A1CF: variants seen among roughly 807,000 people sequenced by gnomAD.
The protein encoded by A1CF is APOBEC1 complementation factor.
A1CF carries 48 observed loss-of-function variants against 68.9 expected under a neutral mutation model. That is an observed-to-expected ratio of 0.70 (90% confidence interval 0.55 to 0.89). A1CF has a LOEUF of 0.89. Among genes scored for constraint, A1CF ranks in the 40% least tolerant of loss-of-function variants. The pLI, the probability that A1CF is intolerant of heterozygous loss-of-function variation, is 0.00. For missense variants in A1CF, 653 were observed against 718.9 expected (o/e 0.91, Z 1.05); for synonymous variants, 272 against 260.4 (o/e 1.04, Z -0.43).
At chr10:50,811,692 G>A (rs939124568) in intron 10 of A1CF, among the ~76,000 whole-genome samples, 1 of 152,126 alleles carries the variant, frequency 6.6e-6, no homozygotes, top group African/African-American at 2.4e-5. Context: ...TTCCTAGATG[G>A]GTGTTGACAG....
intron 1 of A1CF, among the ~76,000 whole-genome samples, chr10:50,866,087 C>G (rs72787061): frequency 1.3e-5 from 2 of 152,064 alleles, no homozygotes; most frequent in Non-Finnish European, 2.9e-5. Context: ...AATTGAAAGT[C>G]CTAATACTTA....
At chr10:50,843,414 G>A (rs1402891654) in intron 4 of A1CF, among the ~76,000 whole-genome samples, 1 of 151,998 alleles carries the variant, frequency 6.6e-6, no homozygotes, top group African/African-American at 2.4e-5. Context: ...AAATTTTTCA[G>A]GAATGTGCTT....
chr10:50,857,297 T>G (rs1490519097), intron 3 of A1CF, among the ~76,000 whole-genome samples: 1 of 152,158 alleles, frequency 6.6e-6, no homozygotes, highest in South Asian at 2.1e-4. Flanking sequence ...CAAACATTTA[T>G]TTGTGTTGGG....
chr10:50,828,953 A>C (rs936034765), intron 6 of A1CF, among the ~76,000 whole-genome samples: 3 of 152,186 alleles, frequency 2.0e-5, no homozygotes, highest in Non-Finnish European at 4.4e-5. Context: ...ACAGATGACA[A>C]GCAATGGAAG....
intron 9 of A1CF, 129 bp downstream of exon 9, chr10:50,815,877 G>A: frequency 9.1e-7 from 1 of 1,104,404 alleles, no homozygotes; most frequent in East Asian, 2.5e-5. Context: ...TGATATAATA[G>A]TTGATTTTTA....
intron 5 of A1CF, among the ~76,000 whole-genome samples, chr10:50,839,927 A>T (rs141198193): frequency 7.1e-4 from 108 of 152,234 alleles, no homozygotes; most frequent in Admixed American, 1.1e-3. Flanking sequence ...TTTTTAGTAG[A>T]GATGAGGTTT....
intron 5 of A1CF, among the ~76,000 whole-genome samples, chr10:50,840,389 A>AGATGAGG (rs1329312883): frequency 6.6e-6 from 1 of 152,136 alleles, no homozygotes; most frequent in Non-Finnish European, 1.5e-5. Flanking sequence ...CCCATTTTAT[A>AGATGAGG]GATGAGGAAA....
intron 7 of A1CF, chr10:50,822,982 A>T (rs1838749785): frequency 5.9e-5 from 9 of 152,098 alleles, no homozygotes; most frequent in Admixed American, 5.9e-4. Context: ...CACAGGAGCT[A>T]CTCTATAAAT....
chr10:50,820,721 T>C, intron 7 of A1CF, 72 bp from the exon 8 acceptor site: 2 of 1,274,958 alleles, frequency 1.6e-6, no homozygotes, highest in East Asian at 4.8e-5. Context: ...TTTTAGCATC[T>C]AGCTGCAAAG....
At chr10:50,850,607 TG>T in intron 3 of A1CF, 1 of 1,597,920 alleles carries the variant, frequency 6.3e-7, no homozygotes. Flanking sequence ...TGTGTGTGTG[TG>T]TTTCTGTAAA....
chr10:50,813,222 A>T (rs921632693), intron 10 of A1CF, among the ~76,000 whole-genome samples: 7 of 152,238 alleles, frequency 4.6e-5, no homozygotes, highest in African/African-American at 1.4e-4. Flanking sequence ...GTCAGTTTCC[A>T]TATTGAAACT....
At chr10:50,884,788 G>T (rs1841931580) in intron 1 of A1CF, among the ~76,000 whole-genome samples, 1 of 152,150 alleles carries the variant, frequency 6.6e-6, no homozygotes, top group African/African-American at 2.4e-5. Flanking sequence ...AGTTTAGGGG[G>T]TTTCTGGTAA....
intron 3 of A1CF, among the ~76,000 whole-genome samples, chr10:50,858,765 A>G (rs1840604040): frequency 6.6e-6 from 1 of 152,132 alleles, no homozygotes; most frequent in Admixed American, 6.5e-5. Context: ...TAATGAGTCT[A>G]AAATAATTTG....
intron 3 of A1CF, 131 bp from the exon 4 acceptor site, chr10:50,844,253 T>C (rs946017210): frequency 3.8e-6 from 5 of 1,307,530 alleles, no homozygotes; most frequent in Admixed American, 2.8e-5. Flanking sequence ...AATAGTGGAC[T>C]GGTTAAAGGA....
At chr10:50,850,339 ATC>A (rs1230750748) in intron 3 of A1CF, among the ~76,000 whole-genome samples, 3 of 152,212 alleles carry the variant, frequency 2.0e-5, no homozygotes, top group African/African-American at 7.2e-5. Flanking sequence ...ATTTAATAAT[ATC>A]TTTTAATAAT....
At chr10:50,868,235 G>A (rs1265708197) in intron 1 of A1CF, among the ~76,000 whole-genome samples, 1 of 152,214 alleles carries the variant, frequency 6.6e-6, no homozygotes, top group East Asian at 1.9e-4. Flanking sequence ...TTACGTGAAA[G>A]AAATTCTAGA....
chr10:50,825,923 G>A (rs116909632), intron 7 of A1CF, among the ~76,000 whole-genome samples: 10 of 152,052 alleles, frequency 6.6e-5, no homozygotes, highest in East Asian at 1.9e-4. Context: ...GGCATTTTTC[G>A]TTGTCACATC....
At chr10:50,825,760 C>G (rs902125967) in intron 7 of A1CF, among the ~76,000 whole-genome samples, 1 of 152,090 alleles carries the variant, frequency 6.6e-6, no homozygotes, top group African/African-American at 2.4e-5. Context: ...CCCCTTCCAC[C>G]TTCCCTCTAT....
chr10:50,843,380 G>A (rs1463676992), intron 4 of A1CF, among the ~76,000 whole-genome samples: 1 of 152,172 alleles, frequency 6.6e-6, no homozygotes, highest in Non-Finnish European at 1.5e-5. Context: ...CATTCAGGCA[G>A]AGAGCTAAAT....
Sources: allele counts gnomAD v4.1 joint callset (sites outside exome capture counted in the v4.1 genomes callset), GRCh38; gene constraint gnomAD v4.1.1; transcripts MANE v1.5; gene names NCBI Gene and HGNC (gene_info 2026-07-23, HGNC 2026-07-21).